Variants in USH2A observed in about 807,000 individuals in gnomAD.
The protein encoded by USH2A is Usher syndrome 2A (autosomal recessive, mild).
A neutral mutation model predicts 538.9 loss-of-function variants in USH2A; 443 were observed. That is an observed-to-expected ratio of 0.82 (90% CI 0.76 to 0.89). USH2A has a LOEUF of 0.89. Ranked by LOEUF, USH2A falls within the 40% of genes least tolerant of loss-of-function variation. The pLI is 0.00. For missense variants in USH2A, 6,633 were observed against 6,324.8 expected, an observed-to-expected ratio of 1.05 and a Z score of -1.65; for synonymous variants, 2,413 against 2,273.5, an observed-to-expected ratio of 1.06 and a Z score of -1.75.
At chr1:216,313,185 A>G (rs2037451602) in intron 9 of USH2A, among the ~76,000 whole-genome samples, 1 of 152,086 alleles carries the variant, frequency 6.6e-6, no homozygotes, top group South Asian at 2.1e-4. Flanking sequence ...TCCTATGACA[A>G]CTTCATGTCA....
At chr1:216,044,854 A>G (rs987830741) in intron 32 of USH2A, among the ~76,000 whole-genome samples, 6 of 152,166 alleles carry the variant, frequency 3.9e-5, no homozygotes, top group African/African-American at 1.4e-4. Context: ...CCTATGTTGT[A>G]GAATAAATAT....
intron 52 of USH2A, among the ~76,000 whole-genome samples, chr1:215,785,017 GA>G (rs1421072502): frequency 1.3e-5 from 2 of 152,194 alleles, no homozygotes; most frequent in Non-Finnish European, 2.9e-5. Context: ...GAACACAATA[GA>G]AGGTTGGACA....
At chr1:216,253,004 G>A (rs768108416) in intron 11 of USH2A, among the ~76,000 whole-genome samples, 1 of 152,126 alleles carries the variant, frequency 6.6e-6, no homozygotes, top group Non-Finnish European at 1.5e-5. Context: ...ACACCTTAAG[G>A]CATTGGACAT....
chr1:215,933,127 A>C (rs989009479), intron 38 of USH2A, among the ~76,000 whole-genome samples: 3 of 152,004 alleles, frequency 2.0e-5, no homozygotes, highest in African/African-American at 7.2e-5. Flanking sequence ...TATTGTATAT[A>C]TCCTGTAGAA....
chr1:215,864,651 A>AT (rs1476212634), intron 44 of USH2A, among the ~76,000 whole-genome samples: 6 of 152,084 alleles, frequency 3.9e-5, no homozygotes, highest in Admixed American at 3.9e-4. Context: ...TGCAAATATT[A>AT]TTTTTTCAAA....
chr1:216,049,390 C>T (rs929087117), intron 30 of USH2A, among the ~76,000 whole-genome samples: 4 of 152,198 alleles, frequency 2.6e-5, no homozygotes, highest in Non-Finnish European at 4.4e-5. Flanking sequence ...AATGAAAACA[C>T]ATTTTGTTTA....
chr1:216,126,860 G>A (rs2033264238), intron 21 of USH2A, among the ~76,000 whole-genome samples: 1 of 152,072 alleles, frequency 6.6e-6, no homozygotes, highest in African/African-American at 2.4e-5. Context: ...TGTTTCTATT[G>A]TATTGTTTCA....
At position 216,355,383 on chromosome 1, in the gene USH2A, G is replaced by GAAAGAAAGAAAGAAAGAAAC. The variant is rs879931965; in HGVS notation, c.784+9569_784+9570insGTTTCTTTCTTTCTTTCTTT. Among the ~76,000 whole-genome samples the GAAAGAAAGAAAGAAAGAAAC allele has an allele frequency of 2.9e-3, 437 of 148,532 alleles. 6 individuals are homozygous for GAAAGAAAGAAAGAAAGAAAC. Among genetic ancestry groups the GAAAGAAAGAAAGAAAGAAAC allele is most frequent in the Non-Finnish European group, 3.6e-3 (240 of 66,872 alleles). ...AGAAAGAAAGAAAGAAAGAAGGAAA[G>GAAAGAAAGAAAGAAAGAAAC]AAACATATAGTATACAAGAAAACAT... On this transcript the variant is annotated intron_variant, in intron 4 of 71. Transcript: ENST00000307340.
intron 32 of USH2A, among the ~76,000 whole-genome samples, chr1:216,044,069 T>C (rs1428973863): frequency 6.6e-6 from 1 of 152,038 alleles, no homozygotes; most frequent in Non-Finnish European, 1.5e-5. Context: ...GTCCAAGAGA[T>C]GCAGTAATGA....
At chr1:215,798,691 G>GA (rs936522451) in intron 50 of USH2A, among the ~76,000 whole-genome samples, 1 of 151,714 alleles carries the variant, frequency 6.6e-6, no homozygotes, top group South Asian at 2.1e-4. Context: ...TTTTCAAGAG[G>GA]AAAAAAAATT....
chr1:216,209,210 G>C lies in USH2A; in HGVS notation c.3158-1779C>G, dbSNP rs191943330. On this transcript the variant is annotated intron_variant, in intron 15 of 71. Coordinates refer to ENST00000307340, the MANE Select transcript of USH2A (RefSeq NM_206933.4). ...AGGGACAGAAATGACTGTATGAAGA[G>C]CATCACCTGACAGGAGCTATGACCA... is the stretch of plus-strand genomic sequence containing the variant. Among the ~76,000 whole-genome samples, 274 of 152,316 alleles carry C rather than the reference G, an allele frequency of 1.8e-3. 3 individuals carry two copies. The highest frequency in any genetic ancestry group is 6.4e-3 in the African/African-American group (268 of 41,582).
chr1:216,148,032 T>C (rs2033747898), intron 21 of USH2A, among the ~76,000 whole-genome samples: 1 of 148,990 alleles, frequency 6.7e-6, no homozygotes, highest in African/African-American at 2.5e-5. Context: ...CACTGCCCGA[T>C]CGCCTCGGAA....
rs200410473 is a variant in USH2A at position 215,648,603 on chromosome 1, T to C, written c.14507A>G (p.Gln4836Arg). 6.8e-6 allele frequency: 11 copies of C among 1,614,054 alleles called. No homozygotes were observed. Among genetic ancestry groups the C allele is most frequent in the Non-Finnish European group, 9.3e-6 (11 of 1,180,038 alleles). ...PAPPSGLSSP[Q>R]IGTLASRTAS... Reference sequence around the variant, plus strand: ...CGTCCTTGAGGCCAGCGTCCCGATTTGTGGAGAGGACAGTCCTGAGGGTGG... The same window carrying C: ...CGTCCTTGAGGCCAGCGTCCCGATTCGTGGAGAGGACAGTCCTGAGGGTGG... Residue 4836 changes from glutamine to arginine, a missense_variant, in exon 66 of 72, where the codon CAA becomes CGA. Coordinates refer to ENST00000307340, the MANE Select transcript of USH2A (RefSeq NM_206933.4).
chr1:215,938,217 T>C (rs901783165), intron 37 of USH2A, among the ~76,000 whole-genome samples: 1 of 152,098 alleles, frequency 6.6e-6, no homozygotes, highest in Non-Finnish European at 1.5e-5. Context: ...TCTAATGTTC[T>C]CTCACCCCTA....
Position 215,650,642 on chromosome 1 carries a change from C to T in USH2A, c.14293G>A (p.Val4765Ile), listed in dbSNP as rs530395989. The T allele has an allele frequency of 2.2e-5, 36 of 1,614,182 alleles. No individual in the cohort carries two copies. Among genetic ancestry groups the T allele is most frequent in the Admixed American group, 5.0e-5 (3 of 60,030 alleles). Reference protein sequence around the residue: ...ISAPGKPNGIVSLYRLFSSSA... With the variant: ...ISAPGKPNGIISLYRLFSSSA... ...CTGGAGAACAGCCTGTAGAGACTGA[C>T]GATCCCGTTGGGCTTCCCAGGGGCA... is the stretch of plus-strand genomic sequence containing the variant. Residue 4765 changes from valine (V) to isoleucine (I), a missense_variant, in exon 65 of 72, where the codon GTC (valine) becomes ATC (isoleucine). Physicochemically the swap from Val to Ile is conservative, Grantham distance 29. Transcript: ENST00000307340.
chr1:216,341,461 C>G (rs2038074909), intron 4 of USH2A, among the ~76,000 whole-genome samples: 1 of 152,128 alleles, frequency 6.6e-6, no homozygotes, highest in Non-Finnish European at 1.5e-5. Context: ...CATCAAACTA[C>G]CATTGACTTT....
intron 34 of USH2A, among the ~76,000 whole-genome samples, chr1:215,997,874 G>A (rs1668174932): frequency 6.6e-6 from 1 of 152,098 alleles, no homozygotes; most frequent in South Asian, 2.1e-4. Context: ...ATAAACTGCT[G>A]TGCAGAACAC....
At chr1:216,002,076 T>C (rs1380860096) in intron 32 of USH2A, among the ~76,000 whole-genome samples, 7 of 152,130 alleles carry the variant, frequency 4.6e-5, no homozygotes, top group Non-Finnish European at 1.5e-5. Context: ...TGCTGAGAGA[T>C]GGCAGCAACA....
At chr1:215,646,160 T>C (rs551852669) in intron 67 of USH2A, among the ~76,000 whole-genome samples, 1 of 152,184 alleles carries the variant, frequency 6.6e-6, no homozygotes, top group South Asian at 2.1e-4. Flanking sequence ...TGCCTCTGGG[T>C]TGGGGTATAA....
Sources: gnomAD v4.1 joint callset for allele counts (sites outside exome capture counted in the v4.1 genomes callset) on GRCh38, gnomAD v4.1.1 for gene constraint, MANE v1.5 for transcripts, NCBI Gene and HGNC (gene_info 2026-07-23, HGNC 2026-07-21) for gene names.